The following TENT4A variants were observed in gnomAD, a reference collection of about 807,000 sequenced individuals.
TENT4A encodes the protein terminal nucleotidyltransferase 4A.
A neutral mutation model predicts 72.8 loss-of-function variants in TENT4A; 7 were observed. The observed-to-expected ratio is 0.10, with a 90% confidence interval of 0.05 to 0.18. TENT4A has a LOEUF of 0.18. Ranked by LOEUF, TENT4A falls within the 10% of genes least tolerant of loss-of-function variation. The pLI is 1.00. For synonymous variants in TENT4A, 456 were observed against 434.3 expected (o/e 1.05, Z -0.62); for missense variants, 831 against 1,017.7 (o/e 0.82, Z 2.50).
At chr5:6,730,755 T>TAAA (rs5865676) in intron 1 of TENT4A, among the ~76,000 whole-genome samples, 2,726 of 129,958 alleles carry the variant, frequency 0.021, 31 homozygotes, top group South Asian at 0.038. Flanking sequence ...AGCCTTAATT[T>TAAA]AAAAAAAAAA....
chr5:6,727,478 C>T (rs138760132), intron 1 of TENT4A, among the ~76,000 whole-genome samples: 9 of 152,318 alleles, frequency 5.9e-5, no homozygotes, highest in East Asian at 5.8e-4. Context: ...CCCATGGAGA[C>T]GGGTACACTC....
At chr5:6,729,253 C>T (rs1157447614) in intron 1 of TENT4A, among the ~76,000 whole-genome samples, 1 of 152,132 alleles carries the variant, frequency 6.6e-6, no homozygotes, top group Non-Finnish European at 1.5e-5. Flanking sequence ...TTGTCATCTA[C>T]AAAATGAAAA....
chr5:6,732,136 G>A (rs1249568164), intron 1 of TENT4A, among the ~76,000 whole-genome samples: 1 of 152,230 alleles, frequency 6.6e-6, no homozygotes, highest in African/African-American at 2.4e-5. Context: ...TTGGGGCTGA[G>A]ATGGGGGAGG....
At chr5:6,721,026 G>A (rs1370715665) in intron 1 of TENT4A, among the ~76,000 whole-genome samples, 8 of 152,208 alleles carry the variant, frequency 5.3e-5, no homozygotes, top group Non-Finnish European at 8.8e-5. Flanking sequence ...ACTCCCACAC[G>A]GTTCTTCCCT....
At chr5:6,748,706 T>C (rs1295073593) in intron 8 of TENT4A, 116 bp downstream of exon 8, 13 of 1,094,582 alleles carry the variant, frequency 1.2e-5, no homozygotes, top group Non-Finnish European at 1.7e-5. Context: ...CGTATTTCAG[T>C]AGAATCTAGA....
In TENT4A at chr5:6,755,213, A is replaced by C. The variant is rs900771934; in HGVS notation, c.*268A>C. ...TTCAGTGCTGAGGCAGGTCGGGCTC[A>C]GGAACTGCAGGGACGTGAACATGCG... On this transcript the variant is annotated 3_prime_UTR_variant, in exon 13 of 13. Coordinates refer to ENST00000230859, the MANE Select transcript of TENT4A (RefSeq NM_006999.6). 4 of 345,258 alleles carry C rather than the reference A, an allele frequency of 1.2e-5. No homozygotes were observed. Among genetic ancestry groups the C allele is most frequent in the African/African-American group, 8.4e-5 (4 of 47,802 alleles). 21.4% of individuals were successfully genotyped at this position (345,258 alleles called of 1,614,324 possible).
chr5:6,745,820 C>T (rs957823340), intron 6 of TENT4A: 2 of 304,128 alleles, frequency 6.6e-6, no homozygotes, highest in South Asian at 3.0e-5. Flanking sequence ...TAACACTGAC[C>T]CCTGTTGGTT....
intron 1 of TENT4A, among the ~76,000 whole-genome samples, chr5:6,723,814 T>C (rs973438935): frequency 1.3e-5 from 2 of 152,230 alleles, no homozygotes; most frequent in Non-Finnish European, 2.9e-5. Context: ...AAGCCAGTCC[T>C]GCGCAGTAGT....
At chr5:6,720,765 T>G (rs1476429330) in intron 1 of TENT4A, among the ~76,000 whole-genome samples, 1 of 152,060 alleles carries the variant, frequency 6.6e-6, no homozygotes, top group Admixed American at 6.5e-5. Flanking sequence ...ATACAGTGAT[T>G]GAAAAGTCCT....
At chr5:6,746,477 C>A in intron 7 of TENT4A, 50 bp downstream of exon 7, 1 of 1,564,106 alleles carries the variant, frequency 6.4e-7, no homozygotes, top group Non-Finnish European at 8.8e-7. Flanking sequence ...GCCTCGGGGA[C>A]GTGCTGGTGA....
chr5:6,753,607 A>G (rs1253209721), intron 12 of TENT4A, among the ~76,000 whole-genome samples: 1 of 152,224 alleles, frequency 6.6e-6, no homozygotes, highest in Non-Finnish European at 1.5e-5. Context: ...AAGTACCTGA[A>G]TGATTGGGAG....
At chr5:6,742,441 G>A (rs374139139) in intron 4 of TENT4A, 49 bp from the exon 5 acceptor site, 10 of 1,190,022 alleles carry the variant, frequency 8.4e-6, no homozygotes, top group Non-Finnish European at 1.3e-5. Flanking sequence ...ATGCCTGGCT[G>A]TGGAGAGTCC....
chr5:6,723,266 G>A (rs1740748268), intron 1 of TENT4A, among the ~76,000 whole-genome samples: 1 of 135,234 alleles, frequency 7.4e-6, no homozygotes, highest in Non-Finnish European at 1.6e-5. Flanking sequence ...TGGAGCAACT[G>A]TTATGACCTG....
rs1341719441 is a variant in TENT4A at position 6,714,094 on chromosome 5, C to G, written c.111C>G (p.Phe37Leu). Residue 37 changes from phenylalanine (F) to leucine (L), a missense_variant, in exon 1 of 13, where the codon TTC becomes TTG. Phe to Leu is a conservative substitution (Grantham distance 22, BLOSUM62 0). This residue lies in a region of TENT4A where 302 missense variants were observed against 293.8 expected (regional missense o/e 1.03). Transcript: ENST00000230859. ...SQGVGRGGSG[F>L]ASYFCLNSPA... ...GCGTGGGCCGCGGCGGCTCGGGCTT[C>G]GCGTCCTATTTCTGCCTCAACTCGC... 4.2e-5 allele frequency: 41 copies of G among 986,172 alleles called. No individual in the cohort carries two copies. Among genetic ancestry groups the G allele is most frequent in the Non-Finnish European group, 4.9e-5 (41 of 831,696 alleles). The allele number at this position is 986,172 out of a possible 1,614,324, so 61.1% of individuals were successfully genotyped here. A position where few individuals can be genotyped will look rare whatever the true frequency, so the allele number is the denominator to read the frequency against.
intron 1 of TENT4A, among the ~76,000 whole-genome samples, chr5:6,717,022 C>G (rs763959650): frequency 6.6e-6 from 1 of 152,234 alleles, no homozygotes; most frequent in Non-Finnish European, 1.5e-5. Context: ...TCCAGCTACT[C>G]TTTCAGAAGC....
Position 6,754,970 on chromosome 5 carries a change from C to G in TENT4A, c.*25C>G, listed in dbSNP as rs1232935958. The G allele has an allele frequency of 1.9e-6, 3 of 1,549,976 alleles. No homozygotes were observed. Among genetic ancestry groups the G allele is most frequent in the African/African-American group, 2.7e-5 (2 of 74,036 alleles). On this transcript the variant is annotated 3_prime_UTR_variant, in exon 13 of 13. Coordinates refer to ENST00000230859, the MANE Select transcript of TENT4A (RefSeq NM_006999.6). ...ATGGCTCCTGGCTGCGTCAGCCTCC[C>G]CCACCCCTCTGCAGACTGCCCCGCG...
At chr5:6,752,691 A>G (rs1349356074) in intron 11 of TENT4A, among the ~76,000 whole-genome samples, 182 bp from the exon 12 acceptor site, 6 of 152,262 alleles carry the variant, frequency 3.9e-5, no homozygotes, top group Non-Finnish European at 5.9e-5. Context: ...CTGTTTTAGA[A>G]TACGAAGTAT....
intron 7 of TENT4A, among the ~76,000 whole-genome samples, 193 bp from the exon 8 acceptor site, chr5:6,748,271 T>C (rs1038566574): frequency 2.0e-5 from 3 of 152,134 alleles, no homozygotes; most frequent in African/African-American, 7.2e-5. Flanking sequence ...CTGTGCATGG[T>C]GATTGACAGG....
At chr5:6,738,903 A>G (rs1741648257) in intron 3 of TENT4A, among the ~76,000 whole-genome samples, 174 bp downstream of exon 3, 3 of 152,234 alleles carry the variant, frequency 2.0e-5, no homozygotes, top group African/African-American at 7.2e-5. Flanking sequence ...TAGTGTTATG[A>G]TGAATTCATT....
Sources: gnomAD v4.1 joint callset for allele counts (sites outside exome capture counted in the v4.1 genomes callset) on GRCh38, gnomAD v4.1.1 for gene constraint, gnomAD v4.1.1 regional missense constraint, MANE v1.5 for transcripts, NCBI Gene and HGNC (gene_info 2026-07-23, HGNC 2026-07-21) for gene names.